TFG: variants seen among roughly 807,000 people sequenced by gnomAD.
TFG encodes the protein trafficking from ER to golgi regulator.
In TFG, 22 loss-of-function variants were observed where a neutral mutation model predicts 51.4. The ratio of observed to expected loss-of-function variants is 0.43; its 90% CI spans 0.31 to 0.61. The LOEUF is 0.61. Ranked by LOEUF, TFG falls within the 20% of genes least tolerant of loss-of-function variation. The probability of loss-of-function intolerance (pLI) is 0.12; values close to 1 mark genes in which losing one functional copy is unlikely to be tolerated. For synonymous variants in TFG, 187 were observed against 165.6 expected (o/e 1.13, Z -0.99); for missense variants, 419 against 487.7 (o/e 0.86, Z 1.33).
chr3:100,719,934 T>A (rs200340854), intron 2 of TFG, 41 bp from the exon 3 acceptor site: 133 of 1,329,658 alleles, frequency 1.0e-4, no homozygotes, highest in Admixed American at 2.6e-4. Context: ...TCTGAAAATT[T>A]AAAAAATTAA....
chr3:100,735,120 T>A (rs2095102970), intron 5 of TFG, among the ~76,000 whole-genome samples: 2 of 152,184 alleles, frequency 1.3e-5, no homozygotes, highest in African/African-American at 4.8e-5. Flanking sequence ...ATGTGTGTAT[T>A]TATCTACATA....
chr3:100,712,706 A>G (rs1439226230), intron 1 of TFG, among the ~76,000 whole-genome samples: 1 of 152,268 alleles, frequency 6.6e-6, no homozygotes. Flanking sequence ...TCAAGTGGAA[A>G]AGACAATAAA....
chr3:100,722,537 C>T (rs1490024069), intron 3 of TFG, among the ~76,000 whole-genome samples: 5 of 152,236 alleles, frequency 3.3e-5, no homozygotes, highest in Non-Finnish European at 7.4e-5. Context: ...CACGGGGAGC[C>T]TTGAGCAGGG....
At chr3:100,740,710 C>A (rs966234803) in intron 6 of TFG, among the ~76,000 whole-genome samples, 2 of 152,118 alleles carry the variant, frequency 1.3e-5, no homozygotes, top group African/African-American at 2.4e-5. Context: ...TAGAGGTTGG[C>A]TACTCTGTGT....
intron 5 of TFG, among the ~76,000 whole-genome samples, chr3:100,734,565 T>G (rs2095101412): frequency 5.3e-5 from 8 of 152,218 alleles, no homozygotes; most frequent in Admixed American, 5.2e-4. Context: ...TGGGGTAAAC[T>G]CCTCTGGTTT....
intron 1 of TFG, 116 bp downstream of exon 1, chr3:100,709,837 GGAAGGGGCTGGAGGGA>G (rs925397515): frequency 6.3e-5 from 9 of 142,268 alleles, no homozygotes; most frequent in Non-Finnish European, 1.2e-4. Flanking sequence ...AGGCACTGTG[GGAAGGGGCTGGAGGGA>G]GGAGGGGGTG....
In TFG at chr3:100,713,633, C is replaced by T; in HGVS notation, c.-43-10C>T. The T allele has an allele frequency of 7.5e-7, 1 of 1,324,574 alleles. No individual in the cohort carries two copies. Among genetic ancestry groups the T allele is most frequent in the Non-Finnish European group, 1.0e-6 (1 of 997,396 alleles). The allele number at this position is 1,324,574 out of a possible 1,614,324, so 82.1% of individuals were successfully genotyped here. ...TTTTGTTGTTTAATTATCAAAACCACTTTTATCAGTCTTTCTCTAGAGTTG... is the reference window on the plus strand; with the variant it reads ...TTTTGTTGTTTAATTATCAAAACCATTTTTATCAGTCTTTCTCTAGAGTTG... On this transcript the variant is annotated splice_polypyrimidine_tract_variant and intron_variant, in intron 1 of 7. Coordinates refer to ENST00000240851, the MANE Select transcript of TFG (RefSeq NM_006070.6).
Position 100,709,523 on chromosome 3 carries a change from C to T in TFG, c.-242C>T, listed in dbSNP as rs1472038766. ...TTCCCCCACCTGCCACGTACAGAGCCCAAGTTCTCGCTAGGCTTGTTGGGT... is the reference window on the plus strand; with the variant it reads ...TTCCCCCACCTGCCACGTACAGAGCTCAAGTTCTCGCTAGGCTTGTTGGGT... On this transcript the variant is annotated 5_prime_UTR_variant, in exon 1 of 8. Transcript: ENST00000240851. 1 of 152,198 alleles carries T rather than the reference C, an allele frequency of 6.6e-6. No individual in the cohort carries two copies. Among genetic ancestry groups the T allele is most frequent in the Non-Finnish European group, 1.5e-5 (1 of 68,088 alleles). 9.4% of individuals were successfully genotyped at this position (152,198 alleles called of 1,614,324 possible).
intron 5 of TFG, 125 bp downstream of exon 5, chr3:100,732,797 C>T (rs1251738298): frequency 2.5e-6 from 2 of 805,986 alleles, no homozygotes; most frequent in African/African-American, 1.8e-5. Flanking sequence ...AAGGGTTCTG[C>T]TTAACAAATT....
intron 6 of TFG, among the ~76,000 whole-genome samples, chr3:100,740,074 T>C (rs989563245): frequency 2.0e-5 from 3 of 152,198 alleles, no homozygotes; most frequent in Non-Finnish European, 4.4e-5. Flanking sequence ...ATTGTTAATG[T>C]GTCTTGAGTC....
chr3:100,732,909 A>G (rs2095095865), intron 5 of TFG, among the ~76,000 whole-genome samples: 1 of 152,092 alleles, frequency 6.6e-6, no homozygotes, highest in Non-Finnish European at 1.5e-5. Context: ...CAAGAGTAGC[A>G]CCCTCCCCCT....
intron 6 of TFG, 151 bp from the exon 7 acceptor site, chr3:100,744,682 T>C (rs1158086700): frequency 5.8e-6 from 3 of 516,504 alleles, no homozygotes; most frequent in African/African-American, 3.9e-5. Context: ...TTCATTCTCT[T>C]CTTCATAGAC....
At chr3:100,747,775 T>G (rs1195911582) in intron 7 of TFG, among the ~76,000 whole-genome samples, 1 of 152,210 alleles carries the variant, frequency 6.6e-6, no homozygotes, top group Non-Finnish European at 1.5e-5. Flanking sequence ...CTCCGCAATG[T>G]GTTTTTATTT....
chr3:100,722,718 A>G (rs1386028796), intron 3 of TFG, among the ~76,000 whole-genome samples: 2 of 152,248 alleles, frequency 1.3e-5, no homozygotes. Flanking sequence ...AGACAGTATT[A>G]TCACAGTTGC....
intron 3 of TFG, among the ~76,000 whole-genome samples, chr3:100,720,656 G>T (rs925270346): frequency 6.6e-6 from 1 of 152,194 alleles, no homozygotes; most frequent in Non-Finnish European, 1.5e-5. Flanking sequence ...AGCCCGGTTT[G>T]GTTCCTAACA....
At chr3:100,719,912 T>A in intron 2 of TFG, 63 bp from the exon 3 acceptor site, 1 of 1,009,016 alleles carries the variant, frequency 9.9e-7, no homozygotes, top group Non-Finnish European at 1.5e-6. Context: ...ACTAGTTTAC[T>A]GCTTATACAA....
chr3:100,725,415 G>C (rs2095072406), intron 3 of TFG, among the ~76,000 whole-genome samples: 1 of 151,886 alleles, frequency 6.6e-6, no homozygotes, highest in African/African-American at 2.4e-5. Flanking sequence ...TTTGAGGAAA[G>C]GTACTCTGGG....
chr3:100,723,512 T>A (rs906540093), intron 3 of TFG, among the ~76,000 whole-genome samples: 1 of 151,954 alleles, frequency 6.6e-6, no homozygotes, highest in African/African-American at 2.4e-5. Flanking sequence ...CCAAGAGACA[T>A]AAAAGATTAT....
At position 100,722,496 on chromosome 3, in the gene TFG, A is replaced by G. The variant is rs540710035; in HGVS notation, c.268+2438A>G. 2.1e-3 allele frequency among the ~76,000 whole-genome samples: 327 copies of G among 152,342 alleles called. 2 individuals are homozygous for G. Among genetic ancestry groups the G allele is most frequent in the African/African-American group, 7.6e-3 (317 of 41,576 alleles). On this transcript the variant is annotated intron_variant, in intron 3 of 7. Coordinates refer to ENST00000240851, the MANE Select transcript of TFG (RefSeq NM_006070.6). ...TGACTAAAGAAATTTTCAGAGTTAT[A>G]TAAAAGCTATAGACCCTCAGATTCA...
Sources: gnomAD v4.1 joint callset for allele counts (sites outside exome capture counted in the v4.1 genomes callset) on GRCh38, gnomAD v4.1.1 for gene constraint, MANE v1.5 for transcripts, NCBI Gene and HGNC (gene_info 2026-07-23, HGNC 2026-07-21) for gene names.